The following EPHA4 variants were observed in gnomAD, a reference collection of about 807,000 sequenced individuals.
EPHA4 encodes EPH receptor A4, also known as ephrin type-A receptor 4.
Under a neutral mutation model 108.3 loss-of-function variants are expected in EPHA4, and 19 were observed. That is an observed-to-expected ratio of 0.18 (90% CI 0.12 to 0.26). EPHA4 has a LOEUF of 0.26. Among genes scored for constraint, EPHA4 ranks in the 10% least tolerant of loss-of-function variants. The probability of loss-of-function intolerance (pLI) is 1.00; values close to 1 mark genes in which losing one functional copy is unlikely to be tolerated. For synonymous variants in EPHA4, 449 were observed against 455.5 expected, an observed-to-expected ratio of 0.99 and a Z score of 0.18; for missense variants, 917 against 1,254.0, an observed-to-expected ratio of 0.73 and a Z score of 4.06.
At chr2:221,540,399 C>T (rs1484475516) in intron 3 of EPHA4, among the ~76,000 whole-genome samples, 1 of 152,174 alleles carries the variant, frequency 6.6e-6, no homozygotes, top group Non-Finnish European at 1.5e-5. Context: ...CAGAAGGAAA[C>T]AGGATTACTA....
At chr2:221,481,603 G>A (rs982380860) in intron 5 of EPHA4, among the ~76,000 whole-genome samples, 1 of 152,020 alleles carries the variant, frequency 6.6e-6, no homozygotes, top group South Asian at 2.1e-4. Context: ...GCAGTGAGCC[G>A]AGATCACGCC....
chr2:221,478,964 AG>A (rs1691740438), intron 5 of EPHA4, among the ~76,000 whole-genome samples: 3 of 152,210 alleles, frequency 2.0e-5, no homozygotes, highest in African/African-American at 7.2e-5. Context: ...CCAGAAGGGG[AG>A]CAAAAGGGTG....
In EPHA4 at chr2:221,488,636, A is replaced by T. The variant is rs1692047354; in HGVS notation, c.980-5946T>A. Among the ~76,000 whole-genome samples the T allele has an allele frequency of 2.0e-5, 3 of 152,208 alleles. No individual in the cohort carries two copies. The South Asian group carries it at 6.2e-4, about 31-fold the overall frequency. Reference sequence around the variant, plus strand: ...TGTCACCTCACATTCAGTTGACAGGAGTTTGACAGCATTAAGCCCCAAAGA... The same window carrying T: ...TGTCACCTCACATTCAGTTGACAGGTGTTTGACAGCATTAAGCCCCAAAGA... On this transcript the variant is annotated intron_variant, in intron 4 of 17. Coordinates refer to ENST00000281821, the MANE Select transcript of EPHA4 (RefSeq NM_004438.5).
intron 4 of EPHA4, among the ~76,000 whole-genome samples, chr2:221,490,655 C>T (rs561977327): frequency 6.6e-6 from 1 of 152,340 alleles, no homozygotes; most frequent in East Asian, 1.9e-4. Flanking sequence ...AATAGCACTT[C>T]AGCGTCTTAG....
At chr2:221,443,377 T>C (rs944570686) in intron 10 of EPHA4, 116 bp downstream of exon 10, 6 of 704,364 alleles carry the variant, frequency 8.5e-6, no homozygotes, top group Non-Finnish European at 1.4e-5. Flanking sequence ...AAAAAGGAAA[T>C]TTCATGTATA....
intron 8 of EPHA4, among the ~76,000 whole-genome samples, chr2:221,451,490 A>T (rs1348637108): frequency 1.3e-5 from 2 of 152,208 alleles, no homozygotes. Flanking sequence ...GATCACAAAT[A>T]TATAAATATA....
intron 11 of EPHA4, among the ~76,000 whole-genome samples, chr2:221,438,933 A>G (rs1314615948): frequency 6.6e-6 from 1 of 152,244 alleles, no homozygotes; most frequent in Non-Finnish European, 1.5e-5. Flanking sequence ...CAGTGATTCC[A>G]TCAGCTTATA....
intron 11 of EPHA4, among the ~76,000 whole-genome samples, chr2:221,440,589 ATCCTTCTC>A (rs1690392394): frequency 6.7e-6 from 1 of 150,042 alleles, no homozygotes; most frequent in African/African-American, 2.5e-5. Context: ...AAAATTATAT[ATCCTTCTC>A]ACCAAGGTTC....
chr2:221,568,716 AC>A lies in EPHA4; in HGVS notation c.159+1del. On this transcript the variant is annotated splice_donor_variant, in intron 2 of 17. Transcript: ENST00000281821. LOFTEE classifies it high-confidence loss of function. ...TGGATCAGAGAGCAACTCAGGACTT[AC>A]CCCTCCTTCCAGAGGGCTTGCTATC... 6.2e-7 allele frequency: 1 copy of A among 1,612,980 alleles called. No individual in the cohort carries two copies. The highest frequency in any genetic ancestry group is 8.5e-7 in the Non-Finnish European group (1 of 1,179,438).
Position 221,457,878 on chromosome 2 carries a change from C to T in EPHA4, c.1431G>A (p.Lys477=), listed in dbSNP as rs760629303. 32 of 1,613,510 alleles carry T rather than the reference C, an allele frequency of 2.0e-5. No individual in the cohort carries two copies. In the East Asian group the frequency reaches 7.1e-4, roughly 36 times the overall value. The change falls in exon 6 of 18, where the codon AAG becomes AAA. Residue 477 remains lysine, a synonymous_variant. Transcript: ENST00000281821. ...ACTCAAGTAATACCTTCTCATAATA[C>T]TTGACTTCATATTCCAGGATTACCC... The part of the protein sequence containing the change: ...PNGVILEYEV[K]YYEKDQNERS...
At chr2:221,511,387 T>C (rs920879940) in intron 3 of EPHA4, among the ~76,000 whole-genome samples, 1 of 145,064 alleles carries the variant, frequency 6.9e-6, no homozygotes, top group African/African-American at 2.4e-5. Flanking sequence ...TGCTTCAACC[T>C]CTCATACACT....
chr2:221,523,025 A>C (rs965223743), intron 3 of EPHA4, among the ~76,000 whole-genome samples: 17 of 152,070 alleles, frequency 1.1e-4, no homozygotes, highest in African/African-American at 4.1e-4. Flanking sequence ...GGCCTCCCAA[A>C]GTGCTGGGAT....
At chr2:221,525,421 A>G (rs1447032136) in intron 3 of EPHA4, among the ~76,000 whole-genome samples, 1 of 152,110 alleles carries the variant, frequency 6.6e-6, no homozygotes, top group African/African-American at 2.4e-5. Flanking sequence ...AGATGAGGGA[A>G]AGAGAGAGAG....
intron 11 of EPHA4, among the ~76,000 whole-genome samples, chr2:221,438,894 A>G (rs1690328736): frequency 6.6e-6 from 1 of 152,244 alleles, no homozygotes; most frequent in East Asian, 1.9e-4. Flanking sequence ...AAGCACCCAT[A>G]ATTATTCTAA....
intron 8 of EPHA4, among the ~76,000 whole-genome samples, chr2:221,452,451 C>T (rs763963793): frequency 2.8e-4 from 42 of 152,356 alleles, no homozygotes; most frequent in Non-Finnish European, 5.0e-4. Flanking sequence ...TCTCTGTTCA[C>T]CTGTTCTTGT....
At position 221,453,897 on chromosome 2, in the gene EPHA4, C is replaced by G. The variant is rs1313941804; in HGVS notation, c.1715+1650G>C. 2.6e-5 allele frequency among the ~76,000 whole-genome samples: 4 copies of G among 152,234 alleles called. No individual in the cohort carries two copies. The East Asian group carries it at 7.7e-4, about 29-fold the overall frequency. ...GAGCATGATATTAAGAAATACATGG[C>G]CGGACATGGTGGCTCATGCCTGTAA... On this transcript the variant is annotated intron_variant, in intron 8 of 17. Transcript: ENST00000281821.
At chr2:221,425,112 A>T (rs1489093884) in intron 17 of EPHA4, 97 bp downstream of exon 17, 2 of 150,088 alleles carry the variant, frequency 1.3e-5, no homozygotes, top group Non-Finnish European at 2.9e-5. Flanking sequence ...GACATGAGAG[A>T]GTATTTTTCT....
At chr2:221,423,775 A>AC (rs1303921740) in intron 17 of EPHA4, among the ~76,000 whole-genome samples, 4 of 150,992 alleles carry the variant, frequency 2.6e-5, no homozygotes, top group Non-Finnish European at 5.9e-5. Flanking sequence ...AAAAAAAAAA[A>AC]CTTTTAATTA....
At chr2:221,446,288 T>C (rs892755048) in intron 8 of EPHA4, 107 bp from the exon 9 acceptor site, 1 of 529,004 alleles carries the variant, frequency 1.9e-6, no homozygotes, top group South Asian at 4.8e-5. Flanking sequence ...AGGTATGCTA[T>C]GTACATTTCA....
Sources: allele counts gnomAD v4.1 joint callset (sites outside exome capture counted in the v4.1 genomes callset), GRCh38; gene constraint gnomAD v4.1.1; transcripts MANE v1.5; gene names NCBI Gene and HGNC (gene_info 2026-07-23, HGNC 2026-07-21).